The following COLEC12 variants were observed in gnomAD, a reference collection of about 807,000 sequenced individuals.
The protein encoded by COLEC12 is collectin-12.
A neutral mutation model predicts 71.1 loss-of-function variants in COLEC12; 33 were observed. That is an observed-to-expected ratio of 0.46 (90% confidence interval 0.35 to 0.62). COLEC12 has a LOEUF of 0.62. COLEC12 is among the 20% of genes least tolerant of loss of function. COLEC12 has a pLI of 0.00. For synonymous variants in COLEC12, 350 were observed against 353.0 expected (o/e 0.99, Z 0.10); for missense variants, 765 against 916.1 (o/e 0.84, Z 2.13).
intron 2 of COLEC12, among the ~76,000 whole-genome samples, chr18:451,326 TA>T (rs1200929620): frequency 1.3e-5 from 2 of 152,080 alleles, no homozygotes; most frequent in Admixed American, 6.5e-5. Context: ...AGCTTATATT[TA>T]AAAGGGAAGC....
chr18:417,075 A>T (rs1916001857), intron 2 of COLEC12, among the ~76,000 whole-genome samples: 1 of 151,270 alleles, frequency 6.6e-6, no homozygotes, highest in Non-Finnish European at 1.5e-5. Context: ...CTCATTCATC[A>T]CTTAATGATA....
In COLEC12 at chr18:335,031, G is replaced by C; in HGVS notation, c.1527C>G (p.Gly509=). ...KGSKGSQGPK[G]SRGSPGKPGP... is the part of the protein sequence containing the mutation. ...CGGGCTTCCCAGGGGAACCACGGGA[G>C]CCTTTGGGGCCCTGGGAGCCTTTAG... The change falls in exon 6 of 10, where the codon GGC becomes GGG. Residue 509 remains glycine (G), a synonymous_variant. Transcript: ENST00000400256. 4 of 1,593,024 alleles carry C rather than the reference G, an allele frequency of 2.5e-6. No homozygotes were observed. The highest frequency in any genetic ancestry group is 3.4e-6 in the Non-Finnish European group (4 of 1,173,090).
intron 5 of COLEC12, among the ~76,000 whole-genome samples, chr18:344,133 A>T (rs1326911368): frequency 7.3e-6 from 1 of 136,702 alleles, no homozygotes; most frequent in African/African-American, 2.6e-5. Context: ...ATTTTTTTTT[A>T]AATCATTTGA....
At chr18:481,305 C>T (rs1917410712) in intron 1 of COLEC12, among the ~76,000 whole-genome samples, 2 of 152,178 alleles carry the variant, frequency 1.3e-5, no homozygotes, top group African/African-American at 4.8e-5. Flanking sequence ...CCCTTCCCAC[C>T]CTCCTTCCGA....
chr18:335,335 C>T (rs1388791022), intron 5 of COLEC12, 105 bp from the exon 6 acceptor site: 1 of 1,244,842 alleles, frequency 8.0e-7, no homozygotes, highest in Non-Finnish European at 1.1e-6. Flanking sequence ...ACCTAGCATA[C>T]AAAGTATATA....
chr18:332,163 G>A (rs1451584053), intron 7 of COLEC12, among the ~76,000 whole-genome samples: 4 of 152,210 alleles, frequency 2.6e-5, no homozygotes, highest in East Asian at 1.9e-4. Context: ...TGTGTTGCAC[G>A]CAGTGTGTCT....
chr18:416,940 G>A (rs555288691), intron 2 of COLEC12, among the ~76,000 whole-genome samples: 45 of 152,084 alleles, frequency 3.0e-4, no homozygotes, highest in African/African-American at 9.9e-4. Flanking sequence ...GGTCTAGCAT[G>A]GGCAAGGGCA....
intron 2 of COLEC12, among the ~76,000 whole-genome samples, chr18:369,461 T>TA (rs1491092319): frequency 1.5e-5 from 2 of 136,720 alleles, no homozygotes; most frequent in African/African-American, 5.5e-5. Context: ...TTTTTTTTTT[T>TA]ATTATACTTT....
chr18:328,353 A>C (rs978613014), intron 8 of COLEC12, among the ~76,000 whole-genome samples: 5 of 152,140 alleles, frequency 3.3e-5, no homozygotes, highest in African/African-American at 1.2e-4. Flanking sequence ...TTATGCTGGT[A>C]GGAGACCCTT....
intron 2 of COLEC12, among the ~76,000 whole-genome samples, chr18:367,528 G>C (rs1285574173): frequency 3.9e-5 from 6 of 152,154 alleles, no homozygotes; most frequent in Non-Finnish European, 7.3e-5. Context: ...AAAATTAAGG[G>C]AACGAAGCCA....
At chr18:368,047 C>T (rs1914893872) in intron 2 of COLEC12, among the ~76,000 whole-genome samples, 1 of 152,096 alleles carries the variant, frequency 6.6e-6, no homozygotes, top group African/African-American at 2.4e-5. Context: ...AAATGAAAAA[C>T]CATTAAACAA....
intron 2 of COLEC12, among the ~76,000 whole-genome samples, chr18:394,381 G>A (rs1027286152): frequency 3.9e-5 from 6 of 152,244 alleles, no homozygotes; most frequent in Non-Finnish European, 5.9e-5. Context: ...TGGGAATGAT[G>A]CTATCACAGC....
At chr18:479,550 T>TCTCACA (rs1555622841) in intron 2 of COLEC12, among the ~76,000 whole-genome samples, 2,331 of 149,330 alleles carry the variant, frequency 0.016, 21 homozygotes, top group Non-Finnish European at 0.024. Flanking sequence ...TCTCTCTCTC[T>TCTCACA]CACACACACA....
intron 2 of COLEC12, among the ~76,000 whole-genome samples, chr18:450,835 T>C (rs1451185696): frequency 2.0e-5 from 3 of 152,204 alleles, no homozygotes; most frequent in African/African-American, 7.2e-5. Context: ...AAAATGCTGA[T>C]AGTGATGTGG....
At chr18:474,206 T>A (rs1253489225) in intron 2 of COLEC12, among the ~76,000 whole-genome samples, 2 of 152,182 alleles carry the variant, frequency 1.3e-5, no homozygotes, top group African/African-American at 4.8e-5. Context: ...CAGGCTTAAC[T>A]CCAACATTGG....
chr18:496,907 A>G (rs562089338), intron 1 of COLEC12, among the ~76,000 whole-genome samples: 12 of 152,188 alleles, frequency 7.9e-5, no homozygotes, highest in Non-Finnish European at 1.8e-4. Context: ...TTAACGACAC[A>G]CGTAACTCTA....
chr18:468,308 A>G (rs552597995), intron 2 of COLEC12, among the ~76,000 whole-genome samples: 20 of 152,260 alleles, frequency 1.3e-4, no homozygotes, highest in Non-Finnish European at 2.4e-4. Context: ...AGATTCTTGA[A>G]CCTTGAATCA....
rs183765624 is a variant in COLEC12, at chr18:482,759, C to G, written c.8-2002G>C. Among the ~76,000 whole-genome samples the G allele has an allele frequency of 2.1e-3, 313 of 152,072 alleles. 1 individual carries two copies. The highest frequency in any genetic ancestry group is 5.1e-4 in the Non-Finnish European group (35 of 67,976). On this transcript the variant is annotated intron_variant, in intron 1 of 9. Coordinates refer to ENST00000400256, the MANE Select transcript of COLEC12 (RefSeq NM_130386.3). Reference sequence around the variant, plus strand: ...CCCAAGTAACTGGGATTGCAGGCGCCCACTACCACGCCCAGCTAATTCTTT... The same window carrying G: ...CCCAAGTAACTGGGATTGCAGGCGCGCACTACCACGCCCAGCTAATTCTTT...
In COLEC12 at chr18:408,074, T is replaced by C. The variant is rs118019087; in HGVS notation, c.59-50552A>G. Among the ~76,000 whole-genome samples, 1,144 of 152,338 alleles carry C rather than the reference T, an allele frequency of 7.5e-3. 7 individuals are homozygous for C. The highest frequency in any genetic ancestry group is 0.038 in the South Asian group (183 of 4,830). On this transcript the variant is annotated intron_variant, in intron 2 of 9. Coordinates refer to ENST00000400256, the MANE Select transcript of COLEC12 (RefSeq NM_130386.3). This position sits in a 1 kb window ranked among gnomAD's most constrained non-coding sequence, Gnocchi z 4.3. ...ATCCAGTTGGCACTAACCTAGGAAA[T>C]GAATTTTTAATAACTCTAATTCAGA...
Sources: gnomAD v4.1 joint callset for allele counts (sites outside exome capture counted in the v4.1 genomes callset) on GRCh38, gnomAD v4.1.1 for gene constraint, Gnocchi (gnomAD v3.1) non-coding constraint, MANE v1.5 for transcripts, NCBI Gene and HGNC (gene_info 2026-07-23, HGNC 2026-07-21) for gene names.